Variants in ZNF679 observed in about 807,000 individuals in gnomAD.
ZNF679 encodes hypothetical protein MGC42415.
In ZNF679, 10 loss-of-function variants were observed where a neutral mutation model predicts 13.4. The ratio of observed to expected loss-of-function variants is 0.75; its 90% CI spans 0.46 to 1.27. ZNF679 has a LOEUF of 1.27. Ranked by LOEUF, ZNF679 falls within the 50% of genes most tolerant of loss-of-function variation. ZNF679 has a pLI of 0.00. For synonymous variants in ZNF679, 179 were observed against 162.5 expected (o/e 1.10, Z -0.77); for missense variants, 525 against 477.8 (o/e 1.10, Z -0.92).
rs781003068 is a variant in ZNF679, at chr7:64,260,934, G to C, written c.262+5G>C. 12 of 1,608,462 alleles carry C rather than the reference G, an allele frequency of 7.5e-6. No homozygotes were observed. Among genetic ancestry groups the C allele is most frequent in the Non-Finnish European group, 9.3e-6 (11 of 1,178,058 alleles). On this transcript the variant is annotated splice_donor_5th_base_variant and intron_variant, in intron 4 of 4. Coordinates refer to ENST00000421025, the MANE Select transcript of ZNF679 (RefSeq NM_153363.3). ...AGATGGTAACCAAACACCCAGGTAA[G>C]TGAGAGTGGATGAAGCGGATGACAC...
rs184739210 is a variant in ZNF679, at chr7:64,243,555, C to T, written c.-90-5473C>T. ...GAATCACATAACAAAGGTGATGGGC[C>T]TAAAGATATCTCACAGTAACCCCTG... On this transcript the variant is annotated intron_variant, in intron 1 of 4. Coordinates refer to ENST00000421025, the MANE Select transcript of ZNF679 (RefSeq NM_153363.3). Among the ~76,000 whole-genome samples, 303 of 152,194 alleles carry T rather than the reference C, an allele frequency of 2.0e-3. 1 individual carries two copies. Among genetic ancestry groups the T allele is most frequent in the African/African-American group, 7.0e-3 (292 of 41,524 alleles).
intron 1 of ZNF679, among the ~76,000 whole-genome samples, chr7:64,238,869 T>C (rs901061092): frequency 6.6e-6 from 1 of 152,144 alleles, no homozygotes; most frequent in Non-Finnish European, 1.5e-5. Flanking sequence ...TGGTGACATA[T>C]ACTTTGACCC....
chr7:64,247,057 A>T, intron 1 of ZNF679, among the ~76,000 whole-genome samples: 1 of 152,126 alleles, frequency 6.6e-6, no homozygotes, highest in East Asian at 1.9e-4. Context: ...GGCATTCGTT[A>T]ACTGTCATGG....
rs577418589 is a variant in ZNF679, at chr7:64,234,950, G to A, written c.-91+6298G>A. On this transcript the variant is annotated intron_variant, in intron 1 of 4. Transcript: ENST00000421025. ...CCTCCAGGGTTCAAGCGATTCTTGC[G>A]CCTCAGCCTCTCGAGTAGCTGGGAC... Among the ~76,000 whole-genome samples the A allele has an allele frequency of 1.8e-4, 27 of 152,192 alleles. No homozygotes were observed. In the South Asian group the frequency reaches 3.3e-3, roughly 19 times the overall value.
At chr7:64,248,804 A>C (rs1294708083) in intron 1 of ZNF679, among the ~76,000 whole-genome samples, 1 of 152,206 alleles carries the variant, frequency 6.6e-6, no homozygotes, top group South Asian at 2.1e-4. Context: ...GGCTCAGATC[A>C]GGGAAGAAGG....
intron 1 of ZNF679, among the ~76,000 whole-genome samples, chr7:64,241,299 T>A (rs1490580533): frequency 6.6e-6 from 1 of 152,262 alleles, no homozygotes. Context: ...CTGTAAGCTG[T>A]GCCCATGTGT....
intron 3 of ZNF679, 39 bp downstream of exon 3, chr7:64,260,386 T>C (rs1181104655): frequency 6.4e-7 from 1 of 1,559,382 alleles, no homozygotes; most frequent in Non-Finnish European, 8.6e-7. Flanking sequence ...AATATATTTC[T>C]TTTCTCTCTT....
At chr7:64,236,954 AAAG>A in intron 1 of ZNF679, among the ~76,000 whole-genome samples, 1 of 36,876 alleles carries the variant, frequency 2.7e-5, no homozygotes, top group Admixed American at 2.4e-4. Flanking sequence ...AGAAAGAAAG[AAAG>A]AAAGAAAGAA....
chr7:64,257,927 G>C (rs2115589974), intron 2 of ZNF679, among the ~76,000 whole-genome samples: 1 of 152,306 alleles, frequency 6.6e-6, no homozygotes, highest in African/African-American at 2.4e-5. Flanking sequence ...GAATCGCTTT[G>C]CACAAAGCAG....
At chr7:64,241,388 T>A (rs186167458) in intron 1 of ZNF679, among the ~76,000 whole-genome samples, 1 of 152,112 alleles carries the variant, frequency 6.6e-6, no homozygotes, top group Non-Finnish European at 1.5e-5. Flanking sequence ...TATGTCACAA[T>A]TGCCACTTTG....
At chr7:64,264,650 C>T (rs912357392) in intron 4 of ZNF679, among the ~76,000 whole-genome samples, 2 of 151,914 alleles carry the variant, frequency 1.3e-5, no homozygotes, top group South Asian at 2.1e-4. Flanking sequence ...TTATTATTCT[C>T]ACCATGAAGA....
At chr7:64,239,523 G>A (rs1305329690) in intron 1 of ZNF679, among the ~76,000 whole-genome samples, 1 of 152,148 alleles carries the variant, frequency 6.6e-6, no homozygotes, top group Non-Finnish European at 1.5e-5. Flanking sequence ...CAGATATCTT[G>A]TGACTTGTAC....
intron 1 of ZNF679, among the ~76,000 whole-genome samples, chr7:64,234,279 G>A (rs1195023560): frequency 1.3e-5 from 2 of 152,212 alleles, no homozygotes; most frequent in Non-Finnish European, 2.9e-5. Flanking sequence ...TTTAACAAAT[G>A]TGTGCACTCA....
chr7:64,261,214 T>C (rs1478992333), intron 4 of ZNF679, among the ~76,000 whole-genome samples: 1 of 152,170 alleles, frequency 6.6e-6, no homozygotes, highest in East Asian at 1.9e-4. Context: ...TTACCATTGT[T>C]TTGGGGGCAT....
rs762176872 is a variant in ZNF679, at chr7:64,265,927, G to A, written c.294G>A (p.Pro98=). The A allele has an allele frequency of 6.9e-5, 111 of 1,613,474 alleles. 1 individual carries two copies. Among genetic ancestry groups the A allele is most frequent in the Middle Eastern group, 1.6e-4 (1 of 6,078 alleles). The change falls in exon 5 of 5, where the codon CCG becomes CCA. Residue 98 remains proline, a synonymous_variant. Coordinates refer to ENST00000421025, the MANE Select transcript of ZNF679 (RefSeq NM_153363.3). ...GTTCTCATTTCACCCAAGACCTTCC[G>A]CCAGAGCTAGGCATAAAAGATTCAC... ...VMCSHFTQDL[P]PELGIKDSLQ... is the part of the protein sequence containing the mutation.
chr7:64,258,894 T>TTTTTGTTTTGTTTTGTTTTG, intron 2 of ZNF679, among the ~76,000 whole-genome samples: 1 of 150,912 alleles, frequency 6.6e-6, no homozygotes, highest in South Asian at 2.1e-4. Context: ...TTTTTTGTTG[T>TTTTTGTTTTGTTTTGTTTTG]TTTTGTTTTG....
chr7:64,249,289 G>A lies in ZNF679; in HGVS notation c.39+133G>A, dbSNP rs1054987197. ...AGGACCCAAATCCTCCTTGGCCCAGGTGGGCTGTTAGTCCCCTCGAGCCAT... is the reference window on the plus strand; with the variant it reads ...AGGACCCAAATCCTCCTTGGCCCAGATGGGCTGTTAGTCCCCTCGAGCCAT... On this transcript the variant is annotated intron_variant, in intron 2 of 4. Coordinates refer to ENST00000421025, the MANE Select transcript of ZNF679 (RefSeq NM_153363.3). 1.3e-5 allele frequency: 19 copies of A among 1,461,754 alleles called. No homozygotes were observed. In the African/African-American group the frequency reaches 2.7e-4, roughly 21 times the overall value. The allele number at this position is 1,461,754 out of a possible 1,614,324, so 90.5% of individuals were successfully genotyped here.
At chr7:64,229,125 G>A (rs567142372) in intron 1 of ZNF679, among the ~76,000 whole-genome samples, 8 of 152,110 alleles carry the variant, frequency 5.3e-5, no homozygotes, top group Admixed American at 1.3e-4. Flanking sequence ...CTGGGTCCAG[G>A]TATGAGAGTC....
intron 2 of ZNF679, among the ~76,000 whole-genome samples, chr7:64,256,202 A>G (rs150037315): frequency 2.6e-5 from 4 of 152,290 alleles, no homozygotes; most frequent in Middle Eastern, 3.4e-3. Context: ...AGTTTTCTAA[A>G]AATGACGGTC....
Sources: gnomAD v4.1 joint callset for allele counts (sites outside exome capture counted in the v4.1 genomes callset) on GRCh38, gnomAD v4.1.1 for gene constraint, MANE v1.5 for transcripts, NCBI Gene and HGNC (gene_info 2026-07-23, HGNC 2026-07-21) for gene names.